The following KRT73 variants were observed in gnomAD, a reference collection of about 807,000 sequenced individuals.
KRT73 encodes the protein keratin 73, also known as keratin, type II cytoskeletal 73.
A neutral mutation model predicts 47.2 loss-of-function variants in KRT73; 44 were observed. The ratio of observed to expected loss-of-function variants is 0.93; its 90% CI spans 0.73 to 1.20. KRT73 has a LOEUF of 1.20. Ranked by LOEUF, KRT73 falls within the 50% of genes most tolerant of loss-of-function variation. The pLI, the probability that KRT73 is intolerant of heterozygous loss-of-function variation, is 0.00. For missense variants in KRT73, 713 were observed against 704.5 expected (o/e 1.01, Z -0.14); for synonymous variants, 285 against 291.3 (o/e 0.98, Z 0.22).
upstream of KRT73, among the ~76,000 whole-genome samples, chr12:52,623,013 G>T (rs61929576): frequency 0.071 from 10,875 of 152,116 alleles, 576 homozygotes; most frequent in African/African-American, 0.15. Context: ...AGATCTAACA[G>T]TCAAGTCACT....
In KRT73 at chr12:52,608,206, GT is replaced by G. The variant is rs747582553; in HGVS notation, c.1612del (p.Thr538ProfsTer2). On this transcript the variant is annotated frameshift_variant, in exon 9 of 9. Coordinates refer to ENST00000305748, the MANE Select transcript of KRT73 (RefSeq NM_175068.3). LOFTEE classifies it high-confidence loss of function. ...TLALSSPTKK[T>X]MR ...GGCTGTGTTGCACTTTTATCTCATG[GT>G]TTTTTTGGTGGGTGAGCTTAGAGCT... 210 of 1,611,566 alleles carry G rather than the reference GT, an allele frequency of 1.3e-4. No individual in the cohort carries two copies. Among genetic ancestry groups the G allele is most frequent in the Non-Finnish European group, 1.7e-4 (200 of 1,178,740 alleles).
chr12:52,618,435 G>C lies in KRT73; in HGVS notation c.90C>G (p.Ser30=), dbSNP rs758846092. The C allele has an allele frequency of 1.9e-6, 3 of 1,614,092 alleles. No homozygotes were observed. In the East Asian group the frequency reaches 6.7e-5, roughly 36 times the overall value. ...CSAVLSGGSS[S]SYRAGGKGLS... ...GCCCTTTGCCCCCTGCTCGGTAGGA[G>C]GATGAGCTGCCCCCTGAGAGCACAG... The change falls in exon 1 of 9, where the codon TCC becomes TCG. Residue 30 remains serine (S), a synonymous_variant. Transcript: ENST00000305748.
chr12:52,627,123 C>A, the KRT73 span, among the ~76,000 whole-genome samples: 2 of 152,204 alleles, frequency 1.3e-5, no homozygotes, highest in Non-Finnish European at 2.9e-5. Flanking sequence ...TTAAACACTC[C>A]CTTCCCCTTG....
chr12:52,609,379 C>T lies in KRT73; in HGVS notation c.1332-98G>A, dbSNP rs934498223. 13 of 1,014,758 alleles carry T rather than the reference C, an allele frequency of 1.3e-5. No homozygotes were observed. The East Asian group carries it at 3.1e-4, about 24-fold the overall frequency. The allele number at this position is 1,014,758 out of a possible 1,614,324, so 62.9% of individuals were successfully genotyped here. On this transcript the variant is annotated intron_variant, in intron 7 of 8. Transcript: ENST00000305748. The stretch of plus-strand genomic sequence containing the variant: ...GGCTGGGGATCCCCAGCCAGACCAG[C>T]TCAGCCTTCACGCACCCCACACTTG...
chr12:52,626,092 T>C, the KRT73 span, among the ~76,000 whole-genome samples: 1 of 152,214 alleles, frequency 6.6e-6, no homozygotes. Context: ...ATTGTATAAA[T>C]GTCAATATCC....
In KRT73 at chr12:52,613,715, G is replaced by A. The variant is rs545735975; in HGVS notation, c.957C>T (p.Ala319=). The stretch of plus-strand genomic sequence containing the variant: ...TGGTCTGGTACAGGGCCTCGGCCTC[G>A]GCCTTGCTCTTCCGGGCGATCTCCT... ...QYEEIARKSK[A]EAEALYQTKF... is the part of the protein sequence containing the mutation. Residue 319 remains alanine (A), a synonymous_variant, in exon 5 of 9, where the codon GCC becomes GCT. Coordinates refer to ENST00000305748, the MANE Select transcript of KRT73 (RefSeq NM_175068.3). 53 of 1,614,120 alleles carry A rather than the reference G, an allele frequency of 3.3e-5. 1 individual carries two copies. Among genetic ancestry groups the A allele is most frequent in the Middle Eastern group, 1.7e-4 (1 of 6,032 alleles).
intron 7 of KRT73, chr12:52,610,288 G>A: frequency 3.1e-6 from 1 of 326,898 alleles, no homozygotes; most frequent in Non-Finnish European, 5.9e-6. Flanking sequence ...TGTTGGCCAG[G>A]CTGGTCTCAA....
At chr12:52,627,706 A>G in the KRT73 span, among the ~76,000 whole-genome samples, 1 of 152,210 alleles carries the variant, frequency 6.6e-6, no homozygotes, top group Non-Finnish European at 1.5e-5. Context: ...ATTAGCCAAT[A>G]ATAACACCAG....
At chr12:52,610,543 GCCCCCAACCACACTCT>G in intron 7 of KRT73, 56 bp downstream of exon 7, 1 of 232,932 alleles carries the variant, frequency 4.3e-6, no homozygotes, top group Non-Finnish European at 8.8e-6. Flanking sequence ...CCTCCCCCCC[GCCCCCAACCACACTCT>G]GGGAAACTTT....
At position 52,618,334 on chromosome 12, in the gene KRT73, C is replaced by T. The variant is rs1390936274; in HGVS notation, c.191G>A (p.Gly64Asp). 6.2e-7 allele frequency: 1 copy of T among 1,614,178 alleles called. No homozygotes were observed. ...ARSISFNVAS[G>D]SGWAGGYGFG... ...TCCATAGCCTCCTGCCCACCCACTG[C>T]CACTGGCCACATTGAAAGAGATGCT... is the stretch of plus-strand genomic sequence containing the variant. The change falls in exon 1 of 9, where the codon GGC (glycine) becomes GAC (aspartate). Residue 64 changes from glycine to aspartate, a missense_variant. Physicochemically the swap from Gly to Asp is moderately conservative, Grantham distance 94. Transcript: ENST00000305748.
upstream of KRT73, among the ~76,000 whole-genome samples, chr12:52,620,743 G>A (rs890975646): frequency 4.6e-5 from 7 of 152,064 alleles, no homozygotes; most frequent in Admixed American, 3.3e-4. Context: ...CTGCCACAGA[G>A]GCACTTCCGG....
upstream of KRT73, among the ~76,000 whole-genome samples, chr12:52,622,757 G>A (rs549471967): frequency 7.2e-5 from 11 of 152,288 alleles, no homozygotes; most frequent in South Asian, 1.0e-3. Context: ...ACTGAATTGC[G>A]ATCAGACCCA....
upstream of KRT73, among the ~76,000 whole-genome samples, chr12:52,621,418 G>T (rs1317540252): frequency 6.6e-6 from 1 of 152,076 alleles, no homozygotes; most frequent in Non-Finnish European, 1.5e-5. Flanking sequence ...CAACTAGAAA[G>T]ATGAAGTAGA....
chr12:52,620,709 C>G (rs1304905680), upstream of KRT73, among the ~76,000 whole-genome samples: 1 of 152,182 alleles, frequency 6.6e-6, no homozygotes, highest in Admixed American at 6.5e-5. Flanking sequence ...CCCCTCCCCT[C>G]CCTGGCCTTC....
the KRT73 span, among the ~76,000 whole-genome samples, chr12:52,624,986 C>T: frequency 3.3e-5 from 5 of 151,960 alleles, no homozygotes; most frequent in African/African-American, 1.2e-4. Context: ...ATATTTTGCA[C>T]AAAAATTAAC....
Position 52,618,513 on chromosome 12 carries a change from T to C in KRT73, c.12A>G (p.Gln4=), listed in dbSNP as rs763051675. ...CAGCAGCTCCCGACTTGTAGGTGAA[T>C]TGGCGGCTCATGGTGGGGAGGCCAG... is the stretch of plus-strand genomic sequence containing the variant. MSR[Q]FTYKSGAAAK... Residue 4 remains glutamine (Q), a synonymous_variant, in exon 1 of 9, where the codon CAA becomes CAG. Transcript: ENST00000305748. The C allele has an allele frequency of 3.1e-6, 5 of 1,600,688 alleles. No homozygotes were observed. Among genetic ancestry groups the C allele is most frequent in the Non-Finnish European group, 4.3e-6 (5 of 1,172,658 alleles).
intron 6 of KRT73, 58 bp from the exon 7 acceptor site, chr12:52,610,893 T>C: frequency 1.4e-6 from 2 of 1,403,094 alleles, no homozygotes; most frequent in South Asian, 2.5e-5. Flanking sequence ...GCTTCACCTC[T>C]CCCATGCTCT....
At chr12:52,622,236 A>G (rs1039606830), upstream of KRT73, among the ~76,000 whole-genome samples, 1 of 152,266 alleles carries the variant, frequency 6.6e-6, no homozygotes, top group African/African-American at 2.4e-5. Flanking sequence ...TTAAATGAAC[A>G]ACTAAGAACA....
At chr12:52,624,139 T>TATACATCAGATAAAG in the KRT73 span, among the ~76,000 whole-genome samples, 42 of 151,978 alleles carry the variant, frequency 2.8e-4, 1 homozygote, top group East Asian at 7.5e-3. Context: ...AGCAAAAAAA[T>TATACATCAGATAAAG]TATGAGACAG....
Sources: gnomAD v4.1 joint callset for allele counts (sites outside exome capture counted in the v4.1 genomes callset) on GRCh38, gnomAD v4.1.1 for gene constraint, MANE v1.5 for transcripts, NCBI Gene and HGNC (gene_info 2026-07-23, HGNC 2026-07-21) for gene names.